WASL: variants seen among roughly 807,000 people sequenced by gnomAD.
WASL encodes the protein WASP like actin nucleation promoting factor.
Under a neutral mutation model 55.5 loss-of-function variants are expected in WASL, and 20 were observed. That is an observed-to-expected ratio of 0.36 (90% CI 0.25 to 0.52). The LOEUF (loss-of-function observed/expected upper bound fraction) is 0.52, where lower values mean the gene tolerates loss of function less well. Ranked by LOEUF, WASL falls within the 20% of genes least tolerant of loss-of-function variation. The probability of loss-of-function intolerance (pLI) is 0.92; values close to 1 mark genes in which losing one functional copy is unlikely to be tolerated. For missense variants in WASL, 504 were observed against 622.5 expected (o/e 0.81, Z 2.03); for synonymous variants, 249 against 217.6 (o/e 1.14, Z -1.27).
At chr7:123,687,177 T>G (rs1033412080) in intron 10 of WASL, among the ~76,000 whole-genome samples, 6 of 152,294 alleles carry the variant, frequency 3.9e-5, no homozygotes, top group South Asian at 2.1e-4. Context: ...ACCAGTGATC[T>G]CCACATTCAA....
At chr7:123,742,376 T>A (rs1210004258) in intron 1 of WASL, among the ~76,000 whole-genome samples, 5 of 152,186 alleles carry the variant, frequency 3.3e-5, no homozygotes, top group Non-Finnish European at 7.3e-5. Flanking sequence ...TACAAAAAAA[T>A]TTAAGAAAAC....
chr7:123,726,424 G>A (rs1482062200), intron 1 of WASL, among the ~76,000 whole-genome samples: 2 of 152,010 alleles, frequency 1.3e-5, no homozygotes, highest in Non-Finnish European at 2.9e-5. Context: ...AAAGCTCCTA[G>A]AAGCAGCAGA....
chr7:123,704,898 C>T (rs1803644024), intron 4 of WASL, among the ~76,000 whole-genome samples: 1 of 152,002 alleles, frequency 6.6e-6, no homozygotes, highest in South Asian at 2.1e-4. Flanking sequence ...CTACAGTGAG[C>T]AAATGGCACA....
intron 1 of WASL, among the ~76,000 whole-genome samples, chr7:123,717,769 AAT>A (rs1417850325): frequency 2.0e-5 from 3 of 152,222 alleles, no homozygotes; most frequent in African/African-American, 7.2e-5. Context: ...ATTTTGAGCA[AAT>A]ATGTTAGAAC....
intron 5 of WASL, among the ~76,000 whole-genome samples, chr7:123,698,121 G>A (rs1168534531): frequency 6.6e-6 from 1 of 150,914 alleles, no homozygotes; most frequent in Non-Finnish European, 1.5e-5. Flanking sequence ...TTTTATATGT[G>A]TTTTCACTGT....
chr7:123,735,815 G>A (rs1804219424), intron 1 of WASL, among the ~76,000 whole-genome samples: 1 of 152,074 alleles, frequency 6.6e-6, no homozygotes, highest in African/African-American at 2.4e-5. Context: ...CAGCAGTGAG[G>A]TATGGGACAA....
At chr7:123,740,878 G>A (rs1360996799) in intron 1 of WASL, among the ~76,000 whole-genome samples, 3 of 152,154 alleles carry the variant, frequency 2.0e-5, no homozygotes, top group African/African-American at 4.8e-5. Flanking sequence ...GAACCACCAC[G>A]TCCAGCCCAT....
intron 1 of WASL, among the ~76,000 whole-genome samples, chr7:123,748,225 C>T (rs972134050): frequency 6.6e-6 from 1 of 152,042 alleles, no homozygotes; most frequent in Non-Finnish European, 1.5e-5. Context: ...AACGTACCCC[C>T]AGATCAAGCA....
chr7:123,730,556 A>G (rs530654918), intron 1 of WASL, among the ~76,000 whole-genome samples: 3 of 152,336 alleles, frequency 2.0e-5, no homozygotes, highest in South Asian at 2.1e-4. Context: ...AATTGTAAAC[A>G]TAAGTATAAC....
At chr7:123,709,309 C>A in intron 1 of WASL, 86 bp from the exon 2 acceptor site, 1 of 1,131,864 alleles carries the variant, frequency 8.8e-7, no homozygotes, top group Non-Finnish European at 1.2e-6. Flanking sequence ...CCGCAACCAC[C>A]CAGCTAAGCT....
chr7:123,737,272 C>T (rs188201172), intron 1 of WASL, among the ~76,000 whole-genome samples: 73 of 152,238 alleles, frequency 4.8e-4, no homozygotes, highest in African/African-American at 1.7e-3. Context: ...AAAGCTTGGT[C>T]TACGTACTCC....
At chr7:123,713,877 A>G (rs1295209595) in intron 1 of WASL, among the ~76,000 whole-genome samples, 1 of 152,210 alleles carries the variant, frequency 6.6e-6, no homozygotes, top group African/African-American at 2.4e-5. Flanking sequence ...TGAAAAATAC[A>G]GTTATTAGCA....
intron 1 of WASL, 136 bp downstream of exon 1, chr7:123,748,482 C>A: frequency 1.3e-6 from 1 of 779,418 alleles, no homozygotes; most frequent in Non-Finnish European, 1.9e-6. Flanking sequence ...CGACGAGGGG[C>A]CGGGGCCGGG....
At chr7:123,744,327 G>A (rs550245560) in intron 1 of WASL, among the ~76,000 whole-genome samples, 7 of 152,130 alleles carry the variant, frequency 4.6e-5, no homozygotes, top group Non-Finnish European at 8.8e-5. Context: ...AATAAGAAAC[G>A]CAGAATGAGC....
chr7:123,721,323 A>G (rs548885823), intron 1 of WASL, among the ~76,000 whole-genome samples: 6 of 152,290 alleles, frequency 3.9e-5, no homozygotes, highest in Admixed American at 2.0e-4. Flanking sequence ...CTTGACTGAC[A>G]TGTACAATCA....
chr7:123,687,646 G>A (rs1369863608), intron 10 of WASL, among the ~76,000 whole-genome samples: 1 of 151,578 alleles, frequency 6.6e-6, no homozygotes, highest in East Asian at 1.9e-4. Context: ...TTAGACTTTT[G>A]TCCTTACTTC....
intron 1 of WASL, among the ~76,000 whole-genome samples, chr7:123,717,247 C>G (rs1313260518): frequency 6.6e-6 from 1 of 152,020 alleles, no homozygotes; most frequent in Non-Finnish European, 1.5e-5. Context: ...AGTTGTTTGT[C>G]CTGGGGAAAA....
chr7:123,695,806 T>G lies in WASL; in HGVS notation c.672+17A>C, dbSNP rs757817313. On this transcript the variant is annotated intron_variant, in intron 7 of 10. Coordinates refer to ENST00000223023, the MANE Select transcript of WASL (RefSeq NM_003941.4). ...CCACATACAGTTATAACGTATATGA[T>G]TTGAAAACATACTTACATCAAAGCC... 5.0e-6 allele frequency: 8 copies of G among 1,611,658 alleles called. No homozygotes were observed. The highest frequency in any genetic ancestry group is 1.7e-4 in the Middle Eastern group (1 of 6,054).
At chr7:123,692,258 T>C (rs1353121385) in intron 9 of WASL, 89 bp downstream of exon 9, 4 of 1,471,188 alleles carry the variant, frequency 2.7e-6, no homozygotes, top group Non-Finnish European at 3.6e-6. Flanking sequence ...GAAAAAAGAA[T>C]ACACTTTTCA....
Sources: allele counts gnomAD v4.1 joint callset (sites outside exome capture counted in the v4.1 genomes callset), GRCh38; gene constraint gnomAD v4.1.1; transcripts MANE v1.5; gene names NCBI Gene and HGNC (gene_info 2026-07-23, HGNC 2026-07-21).